Variants in SGCZ observed in about 807,000 individuals in gnomAD.
The protein encoded by SGCZ is zeta-sarcoglycan.
Under a neutral mutation model 41.3 loss-of-function variants are expected in SGCZ, and 40 were observed. The ratio of observed to expected loss-of-function variants is 0.97; its 90% CI spans 0.75 to 1.26. The LOEUF is 1.26. Ranked by LOEUF, SGCZ falls within the 50% of genes most tolerant of loss-of-function variation. SGCZ has a pLI of 0.00. For synonymous variants in SGCZ, 206 were observed against 137.5 expected, an observed-to-expected ratio of 1.50 and a Z score of -3.49; for missense variants, 552 against 369.8, an observed-to-expected ratio of 1.49 and a Z score of -4.04.
chr8:14,822,036 A>G (rs932605174), intron 1 of SGCZ, among the ~76,000 whole-genome samples: 4 of 151,610 alleles, frequency 2.6e-5, no homozygotes, highest in African/African-American at 9.7e-5. Context: ...CCCTGTTGGC[A>G]GATGACTTGA....
intron 4 of SGCZ, among the ~76,000 whole-genome samples, chr8:14,188,015 G>A (rs1245580500): frequency 6.6e-6 from 1 of 152,042 alleles, no homozygotes; most frequent in South Asian, 2.1e-4. Flanking sequence ...AAACAATGGA[G>A]AGGAAGTAGT....
At chr8:14,620,003 C>T (rs1315681871) in intron 1 of SGCZ, among the ~76,000 whole-genome samples, 1 of 152,166 alleles carries the variant, frequency 6.6e-6, no homozygotes, top group Non-Finnish European at 1.5e-5. Flanking sequence ...GCCAAAAGAA[C>T]AAAGTGGGAG....
chr8:14,568,442 C>CAT (rs1271650080), intron 1 of SGCZ, among the ~76,000 whole-genome samples: 1 of 61,530 alleles, frequency 1.6e-5, no homozygotes, highest in Non-Finnish European at 2.9e-5. Context: ...AATACATTAT[C>CAT]AGAAAAAAAA....
rs933825469 is a variant in SGCZ, at chr8:14,660,495, C to T, written c.40-105569G>A. On this transcript the variant is annotated intron_variant, in intron 1 of 7. Transcript: ENST00000382080. ...GGTGAGGCAGGAGAATTGCTTGAAA[C>T]CAGAGGCGGAGGTTTCAGTGAGCCA... Among the ~76,000 whole-genome samples, 3 of 146,026 alleles carry T rather than the reference C, an allele frequency of 2.1e-5. No homozygotes were observed. In the South Asian group the frequency reaches 6.5e-4, roughly 31 times the overall value.
chr8:14,411,068 T>C (rs28678833), intron 2 of SGCZ, among the ~76,000 whole-genome samples: 36,634 of 152,080 alleles, frequency 0.24, 4,589 homozygotes, highest in Non-Finnish European at 0.29. Flanking sequence ...AAAGAACATT[T>C]AGATAGTAAA....
chr8:14,661,979 C>G (rs1807765602), intron 1 of SGCZ, among the ~76,000 whole-genome samples: 1 of 152,010 alleles, frequency 6.6e-6, no homozygotes, highest in Non-Finnish European at 1.5e-5. Context: ...TATTCATTTA[C>G]TGAAATCACT....
At chr8:15,094,666 T>C (rs934930519) in intron 1 of SGCZ, among the ~76,000 whole-genome samples, 1 of 152,136 alleles carries the variant, frequency 6.6e-6, no homozygotes, top group African/African-American at 2.4e-5. Context: ...CAGTTCTTTG[T>C]CCCCACCTTG....
At chr8:15,102,704 A>C (rs942996042) in intron 1 of SGCZ, among the ~76,000 whole-genome samples, 6 of 152,328 alleles carry the variant, frequency 3.9e-5, no homozygotes, top group African/African-American at 1.4e-4. Flanking sequence ...CTATTGTAAA[A>C]AAATTATAAA....
intron 1 of SGCZ, among the ~76,000 whole-genome samples, chr8:14,600,364 C>T (rs571953370): frequency 2.6e-4 from 39 of 152,264 alleles, no homozygotes; most frequent in African/African-American, 8.9e-4. Flanking sequence ...CCTCTGAAAT[C>T]TGGGATCTAT....
chr8:15,148,827 A>G (rs1173082437), intron 1 of SGCZ, among the ~76,000 whole-genome samples: 1 of 152,214 alleles, frequency 6.6e-6, no homozygotes, highest in Admixed American at 6.5e-5. Context: ...AACTGCCAGG[A>G]AAGAGGAGAG....
intron 1 of SGCZ, among the ~76,000 whole-genome samples, chr8:15,220,445 C>A (rs920126734): frequency 2.6e-5 from 4 of 152,110 alleles, no homozygotes; most frequent in African/African-American, 9.7e-5. Flanking sequence ...GCAAATGACA[C>A]CCTGCCTTGC....
intron 2 of SGCZ, among the ~76,000 whole-genome samples, chr8:14,383,682 G>A (rs1804456450): frequency 6.6e-6 from 1 of 152,188 alleles, no homozygotes; most frequent in South Asian, 2.1e-4. Context: ...CAGGTATAGA[G>A]AATGTTAAGA....
intron 5 of SGCZ, among the ~76,000 whole-genome samples, chr8:14,128,998 A>T (rs1802950166): frequency 6.6e-6 from 1 of 152,116 alleles, no homozygotes; most frequent in African/African-American, 2.4e-5. Flanking sequence ...TTTTTAGGTT[A>T]TATGAGTACG....
intron 1 of SGCZ, among the ~76,000 whole-genome samples, chr8:14,989,080 C>T (rs533687027): frequency 3.9e-5 from 6 of 152,126 alleles, no homozygotes; most frequent in African/African-American, 7.2e-5. Flanking sequence ...ACTGTAAACA[C>T]TCGATGGGAG....
chr8:15,232,682 T>TATATATATGTGTGTATATATATAC (rs1563198238), intron 1 of SGCZ, among the ~76,000 whole-genome samples: 1 of 114,700 alleles, frequency 8.7e-6, no homozygotes, highest in Admixed American at 8.5e-5. Flanking sequence ...TGTGTATATA[T>TATATATATGTGTGTATATATATAC]ATATATATGT....
rs75913732 is a variant in SGCZ at position 14,703,903 on chromosome 8, T to C, written c.40-148977A>G. On this transcript the variant is annotated intron_variant, in intron 1 of 7. Coordinates refer to ENST00000382080, the MANE Select transcript of SGCZ (RefSeq NM_139167.4). ...ACTCATTAGAATTTGTTATGGTGGC[T>C]CTGAAGTTTAATGAGCAGGAATTTT... Among the ~76,000 whole-genome samples, 854 of 152,148 alleles carry C rather than the reference T, an allele frequency of 5.6e-3. 36 individuals are homozygous for C. In the East Asian group the frequency reaches 0.099, roughly 18 times the overall value.
chr8:15,028,405 A>T (rs963275869), intron 1 of SGCZ, among the ~76,000 whole-genome samples: 3 of 151,852 alleles, frequency 2.0e-5, no homozygotes, highest in African/African-American at 4.8e-5. Flanking sequence ...TTCTAAGTTG[A>T]AGTCAGTTTC....
At chr8:15,138,521 G>T (rs769186365) in intron 1 of SGCZ, among the ~76,000 whole-genome samples, 1 of 152,106 alleles carries the variant, frequency 6.6e-6, no homozygotes, top group African/African-American at 2.4e-5. Context: ...GGAGGGACCA[G>T]TTGGAAGTAA....
intron 1 of SGCZ, among the ~76,000 whole-genome samples, chr8:14,746,936 T>C (rs940146992): frequency 1.3e-5 from 2 of 152,248 alleles, no homozygotes; most frequent in African/African-American, 4.8e-5. Context: ...GAAATTTACA[T>C]GGAATGGGTT....
Sources: gnomAD v4.1 joint callset for allele counts (sites outside exome capture counted in the v4.1 genomes callset) on GRCh38, gnomAD v4.1.1 for gene constraint, MANE v1.5 for transcripts, NCBI Gene and HGNC (gene_info 2026-07-23, HGNC 2026-07-21) for gene names.